The following ITGB8 variants were observed in gnomAD, a reference collection of about 807,000 sequenced individuals.
ITGB8 encodes integrin subunit beta 8, also known as integrin beta-8.
In ITGB8, 30 loss-of-function variants were observed where a neutral mutation model predicts 89.5. The observed-to-expected ratio is 0.34, with a 90% CI of 0.25 to 0.45. The LOEUF is 0.45. Ranked by LOEUF, ITGB8 falls within the 20% of genes least tolerant of loss-of-function variation. The pLI is 1.00. For synonymous variants in ITGB8, 335 were observed against 320.4 expected (o/e 1.05, Z -0.49); for missense variants, 836 against 933.3 (o/e 0.90, Z 1.36).
intron 3 of ITGB8, among the ~76,000 whole-genome samples, chr7:20,372,266 TATA>T (rs1785962829): frequency 6.6e-6 from 1 of 152,224 alleles, no homozygotes; most frequent in Admixed American, 6.5e-5. Flanking sequence ...TTTTTATAGA[TATA>T]ATGATGATTT....
chr7:20,378,487 G>C (rs1786245655), intron 3 of ITGB8, among the ~76,000 whole-genome samples: 1 of 152,154 alleles, frequency 6.6e-6, no homozygotes, highest in Non-Finnish European at 1.5e-5. Context: ...TAGTGATGAG[G>C]TACTAATTAT....
chr7:20,391,524 A>G (rs2127973185), intron 7 of ITGB8, 26 bp downstream of exon 7: 1 of 1,309,548 alleles, frequency 7.6e-7, no homozygotes, highest in Non-Finnish European at 1.1e-6. Flanking sequence ...AAATGTTAAA[A>G]TTAAATTTTT....
chr7:20,407,083 G>C (rs1787572762), intron 12 of ITGB8, among the ~76,000 whole-genome samples: 1 of 152,138 alleles, frequency 6.6e-6, no homozygotes. Flanking sequence ...GATTTTATCT[G>C]TTACTGAAAT....
chr7:20,392,929 G>A (rs1035578692), intron 7 of ITGB8, among the ~76,000 whole-genome samples: 4 of 152,174 alleles, frequency 2.6e-5, no homozygotes, highest in African/African-American at 7.2e-5. Flanking sequence ...ATTAGCAATC[G>A]TAACAGCTTC....
intron 1 of ITGB8, among the ~76,000 whole-genome samples, chr7:20,339,309 T>G (rs932551432): frequency 6.6e-6 from 1 of 152,128 alleles, no homozygotes; most frequent in African/African-American, 2.4e-5. Context: ...TGAATGACTA[T>G]ATAGAAAAAG....
chr7:20,374,298 A>G (rs1786046159), intron 3 of ITGB8, among the ~76,000 whole-genome samples: 1 of 152,180 alleles, frequency 6.6e-6, no homozygotes, highest in East Asian at 1.9e-4. Context: ...GTTTAGTTAT[A>G]AAACATTTAT....
chr7:20,399,742 C>G (rs576374064), intron 9 of ITGB8, among the ~76,000 whole-genome samples: 1 of 152,046 alleles, frequency 6.6e-6, no homozygotes, highest in Non-Finnish European at 1.5e-5. Flanking sequence ...GAGTCATTTA[C>G]GTCATGAGGC....
intron 3 of ITGB8, among the ~76,000 whole-genome samples, chr7:20,374,644 G>A (rs969042286): frequency 6.6e-6 from 1 of 152,116 alleles, no homozygotes; most frequent in African/African-American, 2.4e-5. Context: ...GTCTTTAACT[G>A]GTAATTACAT....
chr7:20,359,088 A>G (rs889888403), intron 1 of ITGB8, among the ~76,000 whole-genome samples: 11 of 152,182 alleles, frequency 7.2e-5, no homozygotes, highest in African/African-American at 2.4e-4. Context: ...TACATGTACC[A>G]CATTTTCTTT....
chr7:20,352,706 A>G (rs75036579), intron 1 of ITGB8: 1 of 152,290 alleles, frequency 6.6e-6, no homozygotes, highest in East Asian at 1.9e-4. Flanking sequence ...TAAACTCATC[A>G]TGAATTGCCT....
rs1027477562 is a variant in ITGB8, at chr7:20,372,894, C to T, written c.388+5708C>T. Among the ~76,000 whole-genome samples, 5 of 152,138 alleles carry T rather than the reference C, an allele frequency of 3.3e-5. No individual in the cohort carries two copies. In the South Asian group the frequency reaches 1.0e-3, roughly 32 times the overall value. On this transcript the variant is annotated intron_variant, in intron 3 of 13. Transcript: ENST00000222573. ...ATATGTTCTTAAAAAATGAATTTGA[C>T]ATCAAAGACATATCCGTCTTAGGGC... is the stretch of plus-strand genomic sequence containing the variant.
intron 9 of ITGB8, among the ~76,000 whole-genome samples, chr7:20,399,474 T>C (rs1787217903): frequency 6.6e-6 from 1 of 151,914 alleles, no homozygotes; most frequent in African/African-American, 2.4e-5. Context: ...ACTTTGTGAT[T>C]GCCCCAGTAC....
At position 20,394,722 on chromosome 7, in the gene ITGB8, G is replaced by A. The variant is rs151162208; in HGVS notation, c.1057-174G>A. 2.6e-3 allele frequency among the ~76,000 whole-genome samples: 400 copies of A among 152,216 alleles called. 5 individuals carry two copies. Among genetic ancestry groups the A allele is most frequent in the Non-Finnish European group, 1.6e-3 (112 of 68,000 alleles). ...ACAGACACACACAACCACTACATGG[G>A]TATATGTTCTGGCTGCTCTACTAGG... On this transcript the variant is annotated intron_variant, in intron 7 of 13. Transcript: ENST00000222573.
chr7:20,343,114 A>G (rs1784817064), intron 1 of ITGB8, among the ~76,000 whole-genome samples: 1 of 152,218 alleles, frequency 6.6e-6, no homozygotes, highest in African/African-American at 2.4e-5. Context: ...GGTCCCAGGA[A>G]AAGCTAAGTA....
intron 4 of ITGB8, chr7:20,380,377 G>C (rs764206712): frequency 3.6e-6 from 1 of 280,372 alleles, no homozygotes; most frequent in African/African-American, 2.3e-5. Context: ...AATTCACAGC[G>C]CAGATTAAAT....
At chr7:20,340,738 C>T (rs1237932842) in intron 1 of ITGB8, among the ~76,000 whole-genome samples, 4 of 151,994 alleles carry the variant, frequency 2.6e-5, no homozygotes, top group African/African-American at 9.7e-5. Flanking sequence ...TTCTTAGTAA[C>T]TGTTACAGGT....
chr7:20,348,185 A>G (rs12669126), intron 1 of ITGB8, among the ~76,000 whole-genome samples: 149,145 of 152,278 alleles, frequency 0.98, 73,056 homozygotes, highest in East Asian at 1. Context: ...TGGATTTGAT[A>G]AGAAAGAATT....
chr7:20,349,936 A>G (rs1785057148), intron 1 of ITGB8, among the ~76,000 whole-genome samples: 1 of 152,214 alleles, frequency 6.6e-6, no homozygotes, highest in African/African-American at 2.4e-5. Flanking sequence ...CCAGATGTAT[A>G]GACCTCTGAA....
At chr7:20,364,141 GTAAAA>G in intron 2 of ITGB8, among the ~76,000 whole-genome samples, 1 of 152,078 alleles carries the variant, frequency 6.6e-6, no homozygotes, top group African/African-American at 2.4e-5. Flanking sequence ...AAAATTCTTA[GTAAAA>G]CAATTACAAT....
Sources: gnomAD v4.1 joint callset for allele counts (sites outside exome capture counted in the v4.1 genomes callset) on GRCh38, gnomAD v4.1.1 for gene constraint, MANE v1.5 for transcripts, NCBI Gene and HGNC (gene_info 2026-07-23, HGNC 2026-07-21) for gene names.